Variants in SEC61A2 observed in about 807,000 individuals in gnomAD.
SEC61A2 encodes SEC61 translocon subunit alpha 2.
In SEC61A2, 28 loss-of-function variants were observed where a neutral mutation model predicts 59.9. The ratio of observed to expected loss-of-function variants is 0.47; its 90% CI spans 0.35 to 0.64. The LOEUF is 0.64. SEC61A2 is among the 30% of genes least tolerant of loss of function. The probability of loss-of-function intolerance (pLI) is 0.01; values close to 1 mark genes in which losing one functional copy is unlikely to be tolerated. For missense variants in SEC61A2, 340 were observed against 585.9 expected, an observed-to-expected ratio of 0.58 and a Z score of 4.33; for synonymous variants, 202 against 214.4, an observed-to-expected ratio of 0.94 and a Z score of 0.50.
rs118060991 is a variant in SEC61A2 at position 12,129,890 on chromosome 10, G to A, written c.7+96G>A. 0.075 allele frequency: 85,273 copies of A among 1,131,392 alleles called. 3,608 individuals carry two copies. The highest frequency in any genetic ancestry group is 0.085 in the Non-Finnish European group (74,491 of 871,794). 70.1% of individuals were successfully genotyped at this position (1,131,392 alleles called of 1,614,324 possible). ...GCTGGCGCTCGCTCGGAGTCGTGGG[G>A]GCCAGGGATGCGCGGGCCGCTCCGG... On this transcript the variant is annotated intron_variant, in intron 1 of 11. Coordinates refer to ENST00000298428, the MANE Select transcript of SEC61A2 (RefSeq NM_018144.4). This position sits in a 1 kb window ranked among gnomAD's most constrained non-coding sequence, Gnocchi z 5.6.
downstream of SEC61A2, among the ~76,000 whole-genome samples, chr10:12,168,765 T>A (rs1488007124): frequency 1.3e-5 from 2 of 151,458 alleles, no homozygotes; most frequent in African/African-American, 2.4e-5. The surrounding 1 kb of genome is among the most constrained non-coding windows in gnomAD (Gnocchi z 4.8). Context: ...TTTTTTTAAT[T>A]TTTTTTTTAT....
rs754942084 is a variant in SEC61A2 at position 12,143,224 on chromosome 10, C to T, written c.220+29C>T. The T allele has an allele frequency of 2.1e-6, 3 of 1,445,702 alleles. No homozygotes were observed. The highest frequency in any genetic ancestry group is 1.7e-5 in the Admixed American group (1 of 59,806). The allele number at this position is 1,445,702 out of a possible 1,614,324, so 89.6% of individuals were successfully genotyped here. A position where few individuals can be genotyped will look rare whatever the true frequency, so the allele number is the denominator to read the frequency against. ...TGCGTGTCTTTTCTGTCTCCACACT[C>T]CTACTCACAGCAAACAGATGGAAAC... On this transcript the variant is annotated intron_variant, in intron 4 of 11. Coordinates refer to ENST00000298428, the MANE Select transcript of SEC61A2 (RefSeq NM_018144.4). This position sits in a 1 kb window ranked among gnomAD's most constrained non-coding sequence, Gnocchi z 4.8.
At chr10:12,138,683 C>T (rs1432423835) in intron 3 of SEC61A2, among the ~76,000 whole-genome samples, 1 of 152,170 alleles carries the variant, frequency 6.6e-6, no homozygotes, top group Admixed American at 6.6e-5. Context: ...TTCATATGGT[C>T]GTTACGTCAG....
rs781737456 is a variant in SEC61A2, at chr10:12,164,628, C to T, written c.*174C>T. 4.7e-5 allele frequency: 65 copies of T among 1,396,418 alleles called. No individual in the cohort carries two copies. The highest frequency in any genetic ancestry group is 8.9e-5 in the African/African-American group (6 of 67,098). 86.5% of individuals were successfully genotyped at this position (1,396,418 alleles called of 1,614,324 possible). ...TAAGTCTGTGTGCAGCATTAGTACC[C>T]GCTGCCTTAAAACTCAAGTTTACAT... On this transcript the variant is annotated 3_prime_UTR_variant, in exon 12 of 12. Transcript: ENST00000298428. The surrounding 1 kb of genome is among the most constrained non-coding windows in gnomAD (Gnocchi z 7.3).
rs140933167 is a variant in SEC61A2, at chr10:12,131,354, C to A, written c.7+1560C>A. 7.0e-3 allele frequency among the ~76,000 whole-genome samples: 1,072 copies of A among 152,248 alleles called. 16 individuals carry two copies. The highest frequency in any genetic ancestry group is 0.024 in the African/African-American group (991 of 41,548). On this transcript the variant is annotated intron_variant, in intron 1 of 11. Coordinates refer to ENST00000298428, the MANE Select transcript of SEC61A2 (RefSeq NM_018144.4). The stretch of plus-strand genomic sequence containing the variant: ...GGGGAAGAAAAGCCGCAGAGCCTAA[C>A]TAATACCTAGCTGCGGCTTGTCTTT...
At position 12,164,980 on chromosome 10, in the gene SEC61A2, C is replaced by T; in HGVS notation, c.*526C>T. 4 of 984,642 alleles carry T rather than the reference C, an allele frequency of 4.1e-6. No individual in the cohort carries two copies. Among genetic ancestry groups the T allele is most frequent in the Non-Finnish European group, 3.6e-6 (3 of 829,816 alleles). 61.0% of individuals were successfully genotyped at this position (984,642 alleles called of 1,614,324 possible). ...TATTTGTCCCTTCTCAAAGCAGCCA[C>T]TTAGCCCACATGGGCGAAATCAAGT... On this transcript the variant is annotated 3_prime_UTR_variant, in exon 12 of 12. Transcript: ENST00000298428. The surrounding 1 kb of genome is among the most constrained non-coding windows in gnomAD (Gnocchi z 7.3).
downstream of SEC61A2, among the ~76,000 whole-genome samples, chr10:12,168,091 C>G (rs1465474173): frequency 1.3e-5 from 2 of 150,806 alleles, no homozygotes; most frequent in Non-Finnish European, 2.9e-5. The surrounding 1 kb of genome is among the most constrained non-coding windows in gnomAD (Gnocchi z 4.8). Flanking sequence ...ATGGCGTGAT[C>G]TCGGCTCACT....
chr10:12,163,836 T>C (rs1017857916), intron 11 of SEC61A2, among the ~76,000 whole-genome samples: 2 of 152,210 alleles, frequency 1.3e-5, no homozygotes, highest in Non-Finnish European at 2.9e-5. Flanking sequence ...ATCCCATTTT[T>C]CAGTTTTCCA....
chr10:12,156,837 G>C lies in SEC61A2; in HGVS notation c.617-70G>C. The C allele has an allele frequency of 2.0e-6, 3 of 1,521,882 alleles. No individual in the cohort carries two copies. Among genetic ancestry groups the C allele is most frequent in the Non-Finnish European group, 2.7e-6 (3 of 1,116,484 alleles). The allele number at this position is 1,521,882 out of a possible 1,614,324, so 94.3% of individuals were successfully genotyped here. Reference sequence around the variant, plus strand: ...TTCTGCTGTATACTGGACTTTCACGGTTAGTTGTTTGAGCTTTGGGACAGC... The same window carrying C: ...TTCTGCTGTATACTGGACTTTCACGCTTAGTTGTTTGAGCTTTGGGACAGC... On this transcript the variant is annotated intron_variant, in intron 7 of 11. Transcript: ENST00000298428. The surrounding 1 kb of genome is among the most constrained non-coding windows in gnomAD (Gnocchi z 5.2).
At chr10:12,168,245 C>T (rs1371106029), downstream of SEC61A2, among the ~76,000 whole-genome samples, 4 of 152,042 alleles carry the variant, frequency 2.6e-5, no homozygotes, top group South Asian at 4.2e-4. The surrounding 1 kb of genome is among the most constrained non-coding windows in gnomAD (Gnocchi z 4.8). Context: ...AGGATGGTTT[C>T]GATCTCCTGA....
downstream of SEC61A2, chr10:12,169,224 C>T (rs911047557): frequency 1.4e-6 from 2 of 1,445,276 alleles, no homozygotes; most frequent in African/African-American, 2.8e-5. The surrounding 1 kb of genome is among the most constrained non-coding windows in gnomAD (Gnocchi z 4.8). Context: ...TCCACCTCCC[C>T]TCACTTATTC....
chr10:12,144,088 G>A lies in SEC61A2; in HGVS notation c.220+893G>A, dbSNP rs532374106. ...TCATGCCATCCTCCCTCAAAGTGCTGGGATTACAGGTGTGAGCCACTGCAC... is the reference window on the plus strand; with the variant it reads ...TCATGCCATCCTCCCTCAAAGTGCTAGGATTACAGGTGTGAGCCACTGCAC... On this transcript the variant is annotated intron_variant, in intron 4 of 11. Transcript: ENST00000298428. 7.2e-5 allele frequency among the ~76,000 whole-genome samples: 11 copies of A among 152,112 alleles called. No homozygotes were observed. In the East Asian group the frequency reaches 1.4e-3, roughly 19 times the overall value.
intron 2 of SEC61A2, among the ~76,000 whole-genome samples, chr10:12,134,141 G>T (rs1383397998): frequency 8.4e-6 from 1 of 119,488 alleles, no homozygotes; most frequent in East Asian, 2.3e-4. Context: ...CGAGTAGCTG[G>T]GACTACAGGC....
At chr10:12,141,336 T>A (rs1415020113) in intron 3 of SEC61A2, among the ~76,000 whole-genome samples, 1 of 152,236 alleles carries the variant, frequency 6.6e-6, no homozygotes, top group Non-Finnish European at 1.5e-5. Flanking sequence ...CCAGGTGAGT[T>A]GTTTAAAATT....
rs1257505469 is a variant in SEC61A2, at chr10:12,152,252, G to A, written c.462+2291G>A. 6.6e-6 allele frequency among the ~76,000 whole-genome samples: 1 copy of A among 152,038 alleles called. No individual in the cohort carries two copies. The highest frequency in any genetic ancestry group is 2.4e-5 in the African/African-American group (1 of 41,424). On this transcript the variant is annotated intron_variant, in intron 6 of 11. Transcript: ENST00000298428. This position sits in a 1 kb window ranked among gnomAD's most constrained non-coding sequence, Gnocchi z 5.5. ...CCTGCCACCACGTCCAGCTAGTTGT[G>A]TATTTTTAGTAGAGATGGGATTTTG...
chr10:12,136,031 C>T lies in SEC61A2; in HGVS notation c.76-74C>T, dbSNP rs1202732377. ...TGAATTAGGCCCCAAAGAATAACCT[C>T]AAAACTCTGCTGCCCCCCAAAAATT... On this transcript the variant is annotated intron_variant, in intron 2 of 11. Transcript: ENST00000298428. 6 of 951,594 alleles carry T rather than the reference C, an allele frequency of 6.3e-6. No homozygotes were observed. In the Admixed American group the frequency reaches 1.0e-4, roughly 16 times the overall value. 58.9% of individuals were successfully genotyped at this position (951,594 alleles called of 1,614,324 possible). A position where few individuals can be genotyped will look rare whatever the true frequency, so the allele number is the denominator to read the frequency against.
chr10:12,130,224 GTT>G (rs1833700574), intron 1 of SEC61A2, among the ~76,000 whole-genome samples: 1 of 152,200 alleles, frequency 6.6e-6, no homozygotes, highest in African/African-American at 2.4e-5. Flanking sequence ...CATGGCGTGT[GTT>G]TTAGGGAGGA....
Position 12,154,686 on chromosome 10 carries a change from A to G in SEC61A2, c.463-1092A>G, listed in dbSNP as rs1190435390. Among the ~76,000 whole-genome samples, 1 of 152,224 alleles carries G rather than the reference A, an allele frequency of 6.6e-6. No homozygotes were observed. The highest frequency in any genetic ancestry group is 1.5e-5 in the Non-Finnish European group (1 of 68,042). On this transcript the variant is annotated intron_variant, in intron 6 of 11. Transcript: ENST00000298428. This position sits in a 1 kb window ranked among gnomAD's most constrained non-coding sequence, Gnocchi z 5.2. ...AAACTCAGACTAAAAGCCTGTAAATAGACAAGTTAGGCTCTGTCCAACTAC... is the reference window on the plus strand; with the variant it reads ...AAACTCAGACTAAAAGCCTGTAAATGGACAAGTTAGGCTCTGTCCAACTAC...
At chr10:12,150,899 T>G (rs575704491) in intron 6 of SEC61A2, among the ~76,000 whole-genome samples, 38 of 152,036 alleles carry the variant, frequency 2.5e-4, no homozygotes, top group Middle Eastern at 6.8e-3. Flanking sequence ...CTCAGCCTCC[T>G]GAGTAGCTGG....
Sources: gnomAD v4.1 joint callset for allele counts (sites outside exome capture counted in the v4.1 genomes callset) on GRCh38, gnomAD v4.1.1 for gene constraint, Gnocchi (gnomAD v3.1) non-coding constraint, MANE v1.5 for transcripts, NCBI Gene and HGNC (gene_info 2026-07-23, HGNC 2026-07-21) for gene names.